Variants in PAPOLA observed in about 807,000 individuals in gnomAD.
PAPOLA encodes the protein polynucleotide adenylyltransferase alpha.
Under a neutral mutation model 100.6 loss-of-function variants are expected in PAPOLA, and 15 were observed. The ratio of observed to expected loss-of-function variants is 0.15; its 90% confidence interval spans 0.10 to 0.23. The LOEUF (loss-of-function observed/expected upper bound fraction) is 0.23. PAPOLA is among the 10% of genes least tolerant of loss of function. The pLI is 1.00. For missense variants in PAPOLA, 533 were observed against 884.2 expected, an observed-to-expected ratio of 0.60 and a Z score of 5.04; for synonymous variants, 293 against 300.0, an observed-to-expected ratio of 0.98 and a Z score of 0.24.
intron 12 of PAPOLA, among the ~76,000 whole-genome samples, chr14:96,538,569 AAGC>A (rs1399782198): frequency 2.0e-5 from 3 of 152,062 alleles, no homozygotes; most frequent in East Asian, 1.9e-4. Flanking sequence ...GTTGTAAAAA[AAGC>A]AGCAACAAAT....
chr14:96,503,187 C>G (rs543895829), intron 1 of PAPOLA, among the ~76,000 whole-genome samples: 2 of 152,342 alleles, frequency 1.3e-5, no homozygotes, highest in African/African-American at 4.8e-5. Context: ...AGCGTTGAGT[C>G]CGCCTGCCTC....
At chr14:96,508,342 TA>T (rs1331557565) in intron 1 of PAPOLA, among the ~76,000 whole-genome samples, 3 of 152,250 alleles carry the variant, frequency 2.0e-5, no homozygotes, top group Non-Finnish European at 4.4e-5. Context: ...TCTCAGATTT[TA>T]AAATTTGGAG....
chr14:96,564,092 A>C (rs1176161082), intron 21 of PAPOLA, among the ~76,000 whole-genome samples: 1 of 152,120 alleles, frequency 6.6e-6, no homozygotes, highest in African/African-American at 2.4e-5. Context: ...AAAAAAATTC[A>C]TTCCTATCTT....
chr14:96,542,701 G>A, intron 13 of PAPOLA, 73 bp from the exon 14 acceptor site: 2 of 1,373,744 alleles, frequency 1.5e-6, no homozygotes, highest in Non-Finnish European at 2.0e-6. Context: ...GAAATGCCCT[G>A]GTATGTGCAT....
At chr14:96,556,946 G>A (rs892023664) in intron 19 of PAPOLA, among the ~76,000 whole-genome samples, 1 of 152,170 alleles carries the variant, frequency 6.6e-6, no homozygotes, top group Admixed American at 6.5e-5. Flanking sequence ...AAACTTTCTA[G>A]CATCATTTGC....
chr14:96,515,383 T>C lies in PAPOLA; in HGVS notation c.9-4672T>C, dbSNP rs368417949. Among the ~76,000 whole-genome samples, 37 of 152,288 alleles carry C rather than the reference T, an allele frequency of 2.4e-4. 1 individual carries two copies. The South Asian group carries it at 7.7e-3, about 32-fold the overall frequency. ...GAATTCATATATGTACTATTAGATG[T>C]AGGTATGTATTTATGTGTAACTCTG... On this transcript the variant is annotated intron_variant, in intron 1 of 21. Coordinates refer to ENST00000216277, the MANE Select transcript of PAPOLA (RefSeq NM_032632.5).
At chr14:96,536,819 A>G (rs1044068000) in intron 11 of PAPOLA, 157 bp from the exon 12 acceptor site, 2 of 520,280 alleles carry the variant, frequency 3.8e-6, no homozygotes. Flanking sequence ...AAATGTGTAT[A>G]TATATAAGAG....
At chr14:96,536,710 G>GTT (rs1222012958) in intron 11 of PAPOLA, among the ~76,000 whole-genome samples, 1 of 151,758 alleles carries the variant, frequency 6.6e-6, no homozygotes, top group Non-Finnish European at 1.5e-5. Context: ...TAACTGGAGT[G>GTT]TTTAAGAAAG....
intron 1 of PAPOLA, among the ~76,000 whole-genome samples, chr14:96,517,895 T>C (rs1336029343): frequency 1.3e-5 from 2 of 152,144 alleles, no homozygotes; most frequent in African/African-American, 2.4e-5. Flanking sequence ...GAAATGGGTT[T>C]ACGCCTTCTT....
At chr14:96,562,590 AC>A in intron 20 of PAPOLA, 2 of 345,920 alleles carry the variant, frequency 5.8e-6, no homozygotes, top group East Asian at 5.6e-5. Context: ...AGCTAGTTTG[AC>A]CCATGCCTTA....
At chr14:96,557,147 G>A (rs917292351) in intron 19 of PAPOLA, among the ~76,000 whole-genome samples, 1 of 152,132 alleles carries the variant, frequency 6.6e-6, no homozygotes, top group Non-Finnish European at 1.5e-5. Context: ...CCGGGCTCAA[G>A]CAATCCTCCC....
Position 96,542,312 on chromosome 14 carries a change from G to C in PAPOLA, c.1169+16G>C. The stretch of plus-strand genomic sequence containing the variant: ...GCCTGGAATGGTGAGTATAAGAATA[G>C]ACTTTACAGAAAAAGCAAACTTCAA... On this transcript the variant is annotated intron_variant, in intron 13 of 21. Transcript: ENST00000216277. 1.3e-6 allele frequency: 2 copies of C among 1,546,250 alleles called. No homozygotes were observed. The highest frequency in any genetic ancestry group is 1.8e-6 in the Non-Finnish European group (2 of 1,121,300).
chr14:96,542,441 G>A (rs1900067878), intron 13 of PAPOLA, 145 bp downstream of exon 13: 1 of 589,686 alleles, frequency 1.7e-6, no homozygotes, highest in Non-Finnish European at 3.0e-6. Flanking sequence ...TGTGTGTAGT[G>A]GAAGTACAGA....
intron 11 of PAPOLA, among the ~76,000 whole-genome samples, chr14:96,536,491 TGAAAACAGTAAAG>T (rs936741229): frequency 1.3e-5 from 2 of 152,092 alleles, no homozygotes; most frequent in African/African-American, 4.8e-5. Flanking sequence ...TTGGTTTGAC[TGAAAACAGTAAAG>T]GAAATAGAAT....
intron 1 of PAPOLA, among the ~76,000 whole-genome samples, chr14:96,509,271 A>T (rs567813701): frequency 6.6e-6 from 1 of 152,166 alleles, no homozygotes; most frequent in Non-Finnish European, 1.5e-5. Flanking sequence ...GGCTCAAGCA[A>T]TCCCACCTTG....
At chr14:96,546,707 A>T (rs971811478) in intron 15 of PAPOLA, among the ~76,000 whole-genome samples, 1 of 152,122 alleles carries the variant, frequency 6.6e-6, no homozygotes, top group Non-Finnish European at 1.5e-5. Context: ...CATAGCCACA[A>T]ATAGTTCAGA....
chr14:96,539,790 T>C (rs559196222), intron 12 of PAPOLA, among the ~76,000 whole-genome samples: 1 of 152,284 alleles, frequency 6.6e-6, no homozygotes, highest in African/African-American at 2.4e-5. Context: ...ACCTTAAGAA[T>C]TGAGTACCAA....
At chr14:96,528,929 A>C (rs371015744) in intron 6 of PAPOLA, among the ~76,000 whole-genome samples, 1 of 152,206 alleles carries the variant, frequency 6.6e-6, no homozygotes, top group South Asian at 2.1e-4. Context: ...TAAACGTAAA[A>C]ATAATCTGTA....
chr14:96,519,106 T>C (rs1897727245), intron 1 of PAPOLA, among the ~76,000 whole-genome samples: 1 of 151,460 alleles, frequency 6.6e-6, no homozygotes, highest in African/African-American at 2.4e-5. Flanking sequence ...TTTTTTTTTT[T>C]TTGGTAGAGA....
Sources: gnomAD v4.1 joint callset for allele counts (sites outside exome capture counted in the v4.1 genomes callset) on GRCh38, gnomAD v4.1.1 for gene constraint, MANE v1.5 for transcripts, NCBI Gene and HGNC (gene_info 2026-07-23, HGNC 2026-07-21) for gene names.